ADGRL2: variants seen among roughly 807,000 people sequenced by gnomAD.
The protein encoded by ADGRL2 is calcium-independent alpha-latrotoxin receptor 2.
Under a neutral mutation model 157.4 loss-of-function variants are expected in ADGRL2, and 44 were observed. The ratio of observed to expected loss-of-function variants is 0.28; its 90% CI spans 0.22 to 0.36. ADGRL2 has a LOEUF of 0.36. Among genes scored for constraint, ADGRL2 ranks in the 10% least tolerant of loss-of-function variants. The probability of loss-of-function intolerance (pLI) is 1.00; values close to 1 mark genes in which losing one functional copy is unlikely to be tolerated. For synonymous variants in ADGRL2, 585 were observed against 624.7 expected, an observed-to-expected ratio of 0.94 and a Z score of 0.95; for missense variants, 1,510 against 1,768.9, an observed-to-expected ratio of 0.85 and a Z score of 2.63.
At chr1:81,524,821 C>G (rs1447878597) in intron 2 of ADGRL2, among the ~76,000 whole-genome samples, 1 of 152,034 alleles carries the variant, frequency 6.6e-6, no homozygotes, top group African/African-American at 2.4e-5. Flanking sequence ...AGGAGGATCT[C>G]TTGAGTCCAG....
intron 1 of ADGRL2, among the ~76,000 whole-genome samples, chr1:81,386,286 G>C (rs1557647933): frequency 6.6e-6 from 1 of 152,134 alleles, no homozygotes; most frequent in African/African-American, 2.4e-5. Flanking sequence ...ACCATTTAGA[G>C]TAGTTGATTT....
intron 1 of ADGRL2, among the ~76,000 whole-genome samples, chr1:81,316,508 TA>T (rs1407795517): frequency 3.3e-5 from 5 of 152,232 alleles, no homozygotes; most frequent in African/African-American, 4.8e-5. Flanking sequence ...AATCATATTT[TA>T]TCATTTTCAT....
rs1378613115 is a variant in ADGRL2 at position 81,427,213 on chromosome 1, T to G, written c.-301-17823T>G. The G allele has an allele frequency of 5.0e-6, 4 of 795,076 alleles. No individual in the cohort carries two copies. In the African/African-American group the frequency reaches 6.8e-5, roughly 13 times the overall value. 49.3% of individuals were successfully genotyped at this position (795,076 alleles called of 1,614,324 possible). A position where few individuals can be genotyped will look rare whatever the true frequency, so the allele number is the denominator to read the frequency against. On this transcript the variant is annotated intron_variant, in intron 1 of 24. Coordinates refer to the ADGRL2 transcript ENST00000370721. ...ATTTTGGCCATGGTGGCAACTTTGGTGGAAGAGGAGGCTATGCTGGTGGAG... is the reference window on the plus strand; with the variant it reads ...ATTTTGGCCATGGTGGCAACTTTGGGGGAAGAGGAGGCTATGCTGGTGGAG...
chr1:81,840,946 T>C (rs2092552668), intron 2 of ADGRL2, among the ~76,000 whole-genome samples: 1 of 152,148 alleles, frequency 6.6e-6, no homozygotes, highest in Non-Finnish European at 1.5e-5. Context: ...TGTGGAATCA[T>C]GTATCAGTAA....
At chr1:81,333,410 AATTT>A (rs1424872537) in intron 1 of ADGRL2, among the ~76,000 whole-genome samples, 9 of 149,304 alleles carry the variant, frequency 6.0e-5, no homozygotes, top group South Asian at 2.1e-4. Flanking sequence ...TTAATTAATT[AATTT>A]ATTTATTTAT....
intron 3 of ADGRL2, among the ~76,000 whole-genome samples, chr1:81,602,995 T>C (rs2081364072): frequency 6.6e-6 from 1 of 151,768 alleles, no homozygotes; most frequent in Admixed American, 6.6e-5. Flanking sequence ...CTGGTGTTAA[T>C]ACCTTAGCAC....
chr1:81,936,264 G>A (rs1303742676), intron 3 of ADGRL2, among the ~76,000 whole-genome samples: 1 of 151,782 alleles, frequency 6.6e-6, no homozygotes, highest in Non-Finnish European at 1.5e-5. Context: ...CTTGTTTTGT[G>A]TTGTCAAAAA....
intron 2 of ADGRL2, among the ~76,000 whole-genome samples, chr1:81,884,157 T>C (rs1054755238): frequency 2.0e-5 from 3 of 152,080 alleles, no homozygotes; most frequent in African/African-American, 7.2e-5. Flanking sequence ...AACTAACTTT[T>C]GTACTTTTTG....
chr1:81,517,730 G>A (rs1417528897), intron 2 of ADGRL2, among the ~76,000 whole-genome samples: 1 of 152,148 alleles, frequency 6.6e-6, no homozygotes, highest in Non-Finnish European at 1.5e-5. Context: ...CTGGGCACTT[G>A]CTTTTCTAAA....
intron 2 of ADGRL2, among the ~76,000 whole-genome samples, chr1:81,877,281 C>T (rs116739409): frequency 1.3e-5 from 2 of 152,194 alleles, no homozygotes; most frequent in Admixed American, 6.5e-5. Flanking sequence ...TAATCTAGAG[C>T]TAGTCTGAAT....
At chr1:81,987,200 A>G in intron 22 of ADGRL2, 171 bp downstream of exon 22, 6 of 1,326,584 alleles carry the variant, frequency 4.5e-6, no homozygotes, top group Non-Finnish European at 6.3e-6. Context: ...ACTGCACTAT[A>G]TTATAGTAAA....
At chr1:81,519,237 A>G (rs903226756) in intron 2 of ADGRL2, among the ~76,000 whole-genome samples, 7 of 152,226 alleles carry the variant, frequency 4.6e-5, no homozygotes, top group Non-Finnish European at 1.0e-4. Flanking sequence ...CATGTCTCAG[A>G]GTTGATTCTG....
intron 3 of ADGRL2, among the ~76,000 whole-genome samples, chr1:81,932,660 G>A (rs1372681488): frequency 2.6e-5 from 4 of 152,172 alleles, no homozygotes; most frequent in South Asian, 2.1e-4. Context: ...TTCTGAACCT[G>A]CCAATTTTTG....
Position 81,936,844 on chromosome 1 carries a change from A to G in ADGRL2, c.397+7A>G, listed in dbSNP as rs201396752. The G allele has an allele frequency of 1.3e-6, 2 of 1,521,580 alleles. No homozygotes were observed. The highest frequency in any genetic ancestry group is 2.7e-5 in the African/African-American group (2 of 73,128). 94.3% of individuals were successfully genotyped at this position (1,521,580 alleles called of 1,614,324 possible). A position where few individuals can be genotyped will look rare whatever the true frequency, so the allele number is the denominator to read the frequency against. On this transcript the variant is annotated splice_region_variant and intron_variant, in intron 4 of 23. Coordinates refer to ENST00000686636, the MANE Select transcript of ADGRL2 (RefSeq NM_001366006.2). ...TATGAATGTGTCCCTTACAGTAAGT[A>G]TGCAGTTTATATTTTTTTACACTTT...
intron 1 of ADGRL2, among the ~76,000 whole-genome samples, chr1:81,394,552 G>T (rs1011145987): frequency 6.6e-6 from 1 of 152,076 alleles, no homozygotes; most frequent in Non-Finnish European, 1.5e-5. Flanking sequence ...TTATTCTGTT[G>T]TATGGTTGAA....
intron 1 of ADGRL2, among the ~76,000 whole-genome samples, chr1:81,801,595 G>A (rs1157661327): frequency 6.6e-6 from 1 of 152,202 alleles, no homozygotes; most frequent in African/African-American, 2.4e-5. Flanking sequence ...GCCCGAGTCT[G>A]CGCCGCCAGC....
intron 3 of ADGRL2, among the ~76,000 whole-genome samples, chr1:81,909,495 A>T (rs1009460318): frequency 6.6e-5 from 10 of 152,176 alleles, no homozygotes; most frequent in African/African-American, 2.2e-4. Context: ...ATATCTTTTT[A>T]CCAGATTAAA....
chr1:81,636,765 T>G (rs901484992), intron 3 of ADGRL2, among the ~76,000 whole-genome samples: 1 of 152,192 alleles, frequency 6.6e-6, no homozygotes, highest in African/African-American at 2.4e-5. Context: ...ATGTGCATTT[T>G]CATATACCAA....
intron 3 of ADGRL2, among the ~76,000 whole-genome samples, chr1:81,918,216 T>C (rs1448576495): frequency 6.6e-6 from 1 of 152,172 alleles, no homozygotes; most frequent in Non-Finnish European, 1.5e-5. Flanking sequence ...GAAATACTTC[T>C]GTTACTCATT....
Sources: allele counts gnomAD v4.1 joint callset (sites outside exome capture counted in the v4.1 genomes callset), GRCh38; gene constraint gnomAD v4.1.1; transcripts MANE v1.5; gene names NCBI Gene and HGNC (gene_info 2026-07-23, HGNC 2026-07-21).